SLX4IP: variants seen among roughly 807,000 people sequenced by gnomAD.
SLX4IP encodes protein SLX4IP.
SLX4IP carries 34 observed loss-of-function variants against 32.9 expected under a neutral mutation model. The ratio of observed to expected loss-of-function variants is 1.03; its 90% CI spans 0.79 to 1.38. The LOEUF (loss-of-function observed/expected upper bound fraction) is 1.38. Among genes scored for constraint, SLX4IP ranks in the 40% most tolerant of loss-of-function variants. The pLI is 0.00. For missense variants in SLX4IP, 444 were observed against 479.0 expected (o/e 0.93, Z 0.68); for synonymous variants, 172 against 171.7 (o/e 1.00, Z -0.01).
intron 4 of SLX4IP, among the ~76,000 whole-genome samples, chr20:10,565,160 C>G (rs1395021738): frequency 1.3e-5 from 2 of 152,300 alleles, no homozygotes; most frequent in East Asian, 1.9e-4. Flanking sequence ...CCAGAGTGGC[C>G]TTTTGAAGGC....
intron 2 of SLX4IP, among the ~76,000 whole-genome samples, chr20:10,521,728 C>T (rs1048722401): frequency 2.0e-5 from 3 of 152,098 alleles, no homozygotes; most frequent in African/African-American, 7.2e-5. Flanking sequence ...CCATGGAGGC[C>T]CCAGCTCCTT....
At chr20:10,555,226 A>G (rs566090838) in intron 2 of SLX4IP, among the ~76,000 whole-genome samples, 2 of 151,832 alleles carry the variant, frequency 1.3e-5, no homozygotes, top group Non-Finnish European at 2.9e-5. Flanking sequence ...TGTCCAGCCA[A>G]GGAAGTGAAA....
chr20:10,616,390 TGAAA>T (rs1250194881), intron 6 of SLX4IP, among the ~76,000 whole-genome samples: 3,085 of 125,816 alleles, frequency 0.025, 85 homozygotes, highest in African/African-American at 0.075. Context: ...AAAAAAAAAA[TGAAA>T]TAAATAAATA....
intron 1 of SLX4IP, among the ~76,000 whole-genome samples, chr20:10,456,641 G>C (rs551403873): frequency 2.0e-5 from 3 of 152,304 alleles, no homozygotes; most frequent in Middle Eastern, 6.8e-3. Context: ...GCGTCCAGCT[G>C]TAATAAGCTT....
chr20:10,447,355 G>T (rs1425481082), intron 1 of SLX4IP, among the ~76,000 whole-genome samples: 1 of 152,068 alleles, frequency 6.6e-6, no homozygotes, highest in Non-Finnish European at 1.5e-5. Flanking sequence ...TCCTTTTCTA[G>T]AAGTGTCTTG....
At chr20:10,468,318 T>C (rs932954423) in intron 2 of SLX4IP, among the ~76,000 whole-genome samples, 1 of 152,216 alleles carries the variant, frequency 6.6e-6, no homozygotes, top group Admixed American at 6.5e-5. Context: ...TCTGTGCCTC[T>C]CTTCTCTTAC....
chr20:10,452,091 T>G (rs2065246472), intron 1 of SLX4IP, among the ~76,000 whole-genome samples: 2 of 152,240 alleles, frequency 1.3e-5, no homozygotes, highest in Non-Finnish European at 2.9e-5. Context: ...ATATTTCTTT[T>G]GGAAGACCTG....
At chr20:10,537,488 C>T (rs1212705369) in intron 2 of SLX4IP, among the ~76,000 whole-genome samples, 5 of 152,196 alleles carry the variant, frequency 3.3e-5, no homozygotes, top group Non-Finnish European at 7.3e-5. Flanking sequence ...AATTTAGATT[C>T]TTAAGTAATC....
At chr20:10,532,667 C>T (rs900716971) in intron 2 of SLX4IP, among the ~76,000 whole-genome samples, 3 of 151,972 alleles carry the variant, frequency 2.0e-5, no homozygotes, top group South Asian at 2.1e-4. Context: ...CTTTTAGTGC[C>T]CCTCTCCAAG....
intron 2 of SLX4IP, among the ~76,000 whole-genome samples, chr20:10,465,707 T>C (rs1188331273): frequency 6.6e-6 from 1 of 152,252 alleles, no homozygotes; most frequent in East Asian, 1.9e-4. Context: ...GGTTTTGCCA[T>C]GTTGGCCAGG....
rs1555811084 is a variant in SLX4IP at position 10,518,404 on chromosome 20, TTTCC to T, written c.28-37810_28-37807del. 2.7e-3 allele frequency among the ~76,000 whole-genome samples: 249 copies of T among 92,476 alleles called. 14 individuals are homozygous for T. The Middle Eastern group carries it at 0.033, about 12-fold the overall frequency. 60.7% of individuals were successfully genotyped at this position (92,476 alleles called of 152,430 possible). ...CTTTCCTTCTTCCTTTCTTTCTTTC[TTTCC>T]TTCCTTCCTTCCTTCCCTCCCTCCC... On this transcript the variant is annotated intron_variant, in intron 2 of 7. Transcript: ENST00000334534.
chr20:10,621,102 G>A (rs975270845), intron 6 of SLX4IP, among the ~76,000 whole-genome samples: 1 of 152,224 alleles, frequency 6.6e-6, no homozygotes, highest in Non-Finnish European at 1.5e-5. Flanking sequence ...TATGACGCAT[G>A]TTAATGTATG....
At position 10,566,597 on chromosome 20, in the gene SLX4IP, G is replaced by A. The variant is rs371093305; in HGVS notation, c.238+5777G>A. ...CAAGGTAGCACATGTTCTGCTGGTC[G>A]GAGCCTATATTGCATCCCTTAGGAC... On this transcript the variant is annotated intron_variant, in intron 4 of 7. Coordinates refer to ENST00000334534, the MANE Select transcript of SLX4IP (RefSeq NM_001009608.3). Among the ~76,000 whole-genome samples, 3 of 152,214 alleles carry A rather than the reference G, an allele frequency of 2.0e-5. No homozygotes were observed. In the East Asian group the frequency reaches 5.8e-4, roughly 29 times the overall value.
rs980457147 is a variant in SLX4IP, at chr20:10,556,210, T to C, written c.28-21T>C. The C allele has an allele frequency of 2.5e-6, 4 of 1,606,188 alleles. No homozygotes were observed. In the East Asian group the frequency reaches 8.9e-5, roughly 36 times the overall value. ...GGGCATGAGCCGCACAGACACTGAC[T>C]CTGCCATTAATGTCTTTCAGTGTGG... On this transcript the variant is annotated intron_variant, in intron 2 of 7. Coordinates refer to ENST00000334534, the MANE Select transcript of SLX4IP (RefSeq NM_001009608.3).
intron 2 of SLX4IP, among the ~76,000 whole-genome samples, chr20:10,529,235 A>G (rs2065964923): frequency 1.3e-5 from 2 of 152,210 alleles, no homozygotes; most frequent in Admixed American, 1.3e-4. Context: ...TTATAATGTA[A>G]TCTTACGTTC....
chr20:10,562,445 G>A (rs1352878542), intron 4 of SLX4IP, among the ~76,000 whole-genome samples: 5 of 152,124 alleles, frequency 3.3e-5, no homozygotes, highest in Admixed American at 2.6e-4. Flanking sequence ...ATCTGCTGGT[G>A]CCTGTCAGAA....
chr20:10,480,696 C>T (rs2065513844), intron 2 of SLX4IP, among the ~76,000 whole-genome samples: 1 of 152,106 alleles, frequency 6.6e-6, no homozygotes, highest in Non-Finnish European at 1.5e-5. Flanking sequence ...ATTAAAATAG[C>T]CTAGAAATAA....
intron 2 of SLX4IP, among the ~76,000 whole-genome samples, chr20:10,554,464 T>C (rs755035106): frequency 5.9e-5 from 9 of 152,224 alleles, no homozygotes; most frequent in Non-Finnish European, 1.3e-4. Flanking sequence ...GAAGGAATCA[T>C]TGGCTCAGTT....
chr20:10,556,392 C>G lies in SLX4IP; in HGVS notation c.117+72C>G, dbSNP rs2066267853. On this transcript the variant is annotated intron_variant, in intron 3 of 7. Transcript: ENST00000334534. ...TATAAGAAATATCAGCTCTTTCCAG[C>G]TTTCATTTCTGTTAGTGGGAAAAAA... 7 of 1,423,126 alleles carry G rather than the reference C, an allele frequency of 4.9e-6. No individual in the cohort carries two copies. The Admixed American group carries it at 1.2e-4, about 25-fold the overall frequency. The allele number at this position is 1,423,126 out of a possible 1,614,324, so 88.2% of individuals were successfully genotyped here. A position where few individuals can be genotyped will look rare whatever the true frequency, so the allele number is the denominator to read the frequency against.
Sources: gnomAD v4.1 joint callset for allele counts (sites outside exome capture counted in the v4.1 genomes callset) on GRCh38, gnomAD v4.1.1 for gene constraint, MANE v1.5 for transcripts, NCBI Gene and HGNC (gene_info 2026-07-23, HGNC 2026-07-21) for gene names.